Variants in IYD observed in about 807,000 individuals in gnomAD.
The protein encoded by IYD is iodotyrosine deiodinase 1.
Under a neutral mutation model 28.4 loss-of-function variants are expected in IYD, and 25 were observed. That is an observed-to-expected ratio of 0.88 (90% CI 0.64 to 1.23). The LOEUF (loss-of-function observed/expected upper bound fraction) is 1.23, where lower values mean the gene tolerates loss of function less well. Ranked by LOEUF, IYD falls within the 50% of genes most tolerant of loss-of-function variation. The pLI is 0.00. For missense variants in IYD, 352 were observed against 357.9 expected (o/e 0.98, Z 0.13); for synonymous variants, 140 against 130.8 (o/e 1.07, Z -0.48).
chr6:150,394,478 T>G (rs1380780315), intron 4 of IYD, among the ~76,000 whole-genome samples: 1 of 152,214 alleles, frequency 6.6e-6, no homozygotes, highest in East Asian at 1.9e-4. Context: ...AAAATTGGTG[T>G]TGTGTTTGCA....
rs1445457591 is a variant in IYD at position 150,369,205 on chromosome 6, A to T, written c.174A>T (p.Glu58Asp). The T allele has an allele frequency of 1.2e-6, 2 of 1,612,056 alleles. No homozygotes were observed. Among genetic ancestry groups the T allele is most frequent in the Non-Finnish European group, 1.7e-6 (2 of 1,179,914 alleles). The change falls in exon 1 of 5, where the codon GAA becomes GAT. Residue 58 changes from glutamate (E) to aspartate (D), a missense_variant. Transcript: ENST00000344419. ...ACAGCAGTGACCTGCACCAAGCAGAAGAAGGTAAAGACACCAGCTATGCTG... is the reference window on the plus strand; with the variant it reads ...ACAGCAGTGACCTGCACCAAGCAGATGAAGGTAAAGACACCAGCTATGCTG... ...LKDSSDLHQA[E>D]EDADEWQESE...
In IYD at chr6:150,392,992, G is replaced by T. The variant is rs775254987; in HGVS notation, c.530+488G>T. On this transcript the variant is annotated intron_variant, in intron 3 of 4. Transcript: ENST00000344419. ...TCCCTCAACAAATGCAGCCCTCGGG[G>T]TCTGCTCCGGGCGCCGAAGCACAGT... is the stretch of plus-strand genomic sequence containing the variant. Among the ~76,000 whole-genome samples, 10 of 152,220 alleles carry T rather than the reference G, an allele frequency of 6.6e-5. No homozygotes were observed. The East Asian group carries it at 1.2e-3, about 18-fold the overall frequency.
At chr6:150,395,417 G>A (rs1778274604) in intron 4 of IYD, 3 of 1,537,118 alleles carry the variant, frequency 2.0e-6, no homozygotes, top group African/African-American at 2.7e-5. Flanking sequence ...TTATCCTGAA[G>A]GAGCTGGCAT....
At chr6:150,397,596 A>G (rs867200998) in intron 4 of IYD, among the ~76,000 whole-genome samples, 12 of 148,046 alleles carry the variant, frequency 8.1e-5, no homozygotes, top group Admixed American at 4.7e-4. Context: ...ACAAAACCGA[A>G]TATGTATATT....
Position 150,401,079 on chromosome 6 carries a change from TA to T in IYD, c.*2846del, listed in dbSNP as rs1209940955. On this transcript the variant is annotated 3_prime_UTR_variant, in exon 5 of 5. Transcript: ENST00000344419. ...AGAGTGTGAGCGAGAACTAACATGG[TA>T]AAATGTTAGGTGGAGCATATACAGT... The T allele has an allele frequency of 6.6e-6, 1 of 152,212 alleles. No homozygotes were observed. Among genetic ancestry groups the T allele is most frequent in the Non-Finnish European group, 1.5e-5 (1 of 68,036 alleles). The allele number at this position is 152,212 out of a possible 1,614,324, so 9.4% of individuals were successfully genotyped here.
At chr6:150,388,733 A>G (rs1487968982) in intron 1 of IYD, among the ~76,000 whole-genome samples, 1 of 109,228 alleles carries the variant, frequency 9.2e-6, no homozygotes. Flanking sequence ...ATGGAGTCTC[A>G]CTCTGTCACC....
intron 1 of IYD, among the ~76,000 whole-genome samples, chr6:150,382,583 A>G (rs1299211232): frequency 1.0e-5 from 1 of 100,168 alleles, no homozygotes; most frequent in Non-Finnish European, 2.2e-5. Context: ...CAGGACTCCA[A>G]TTAAATGGTT....
At chr6:150,391,233 CAAAA>C (rs3842126) in intron 2 of IYD, among the ~76,000 whole-genome samples, 16 of 114,136 alleles carry the variant, frequency 1.4e-4, no homozygotes, top group East Asian at 7.1e-4. Flanking sequence ...GAGACGCCAT[CAAAA>C]AAAAAAAAAA....
intron 4 of IYD, chr6:150,395,415 A>C: frequency 6.5e-7 from 1 of 1,537,258 alleles, no homozygotes; most frequent in South Asian, 1.2e-5. Flanking sequence ...AATTATCCTG[A>C]AGGAGCTGGC....
At chr6:150,380,870 T>C (rs571748406) in intron 1 of IYD, among the ~76,000 whole-genome samples, 2 of 152,210 alleles carry the variant, frequency 1.3e-5, no homozygotes, top group South Asian at 4.2e-4. Context: ...CCCTTTGGGC[T>C]CCCCTCCCCA....
rs149588759 is a variant in IYD at position 150,393,090 on chromosome 6, C to T, written c.530+586C>T. Reference sequence around the variant, plus strand: ...TCAGGAAAGTGGATTACAAGTGGCTCCTCTGTGTTGATATTTCCATGATTT... The same window carrying T: ...TCAGGAAAGTGGATTACAAGTGGCTTCTCTGTGTTGATATTTCCATGATTT... On this transcript the variant is annotated intron_variant, in intron 3 of 4. Transcript: ENST00000344419. Among the ~76,000 whole-genome samples the T allele has an allele frequency of 1.6e-3, 238 of 152,158 alleles. 1 individual carries two copies. The highest frequency in any genetic ancestry group is 5.5e-3 in the African/African-American group (227 of 41,504).
intron 1 of IYD, among the ~76,000 whole-genome samples, chr6:150,370,303 G>A (rs768924898): frequency 2.0e-5 from 3 of 151,216 alleles, no homozygotes; most frequent in Admixed American, 1.3e-4. Context: ...GAGTGTGTGT[G>A]CATGAGTGTG....
rs780702101 is a variant in IYD, at chr6:150,398,262, G to A, written c.*25G>A. ...GGCAGGGCCCCCCAAGGGAGTGGCA[G>A]GGAGATGGCGCCCCTGCTTTTCCCT... On this transcript the variant is annotated 3_prime_UTR_variant, in exon 5 of 5. Transcript: ENST00000344419. The A allele has an allele frequency of 3.7e-6, 6 of 1,611,088 alleles. No homozygotes were observed. In the African/African-American group the frequency reaches 6.7e-5, roughly 18 times the overall value.
chr6:150,402,033 T>G lies in IYD; in HGVS notation c.*3796T>G, dbSNP rs1778525797. 6.6e-6 allele frequency: 1 copy of G among 152,242 alleles called. No homozygotes were observed. The highest frequency in any genetic ancestry group is 1.5e-5 in the Non-Finnish European group (1 of 68,070). The allele number at this position is 152,242 out of a possible 1,614,324, so 9.4% of individuals were successfully genotyped here. ...TGGTGCCCAAATGCTCCAGTTCTAA[T>G]GTATTCCCAGGTGTTGCTGATGCTG... is the stretch of plus-strand genomic sequence containing the variant. On this transcript the variant is annotated 3_prime_UTR_variant, in exon 5 of 5. Coordinates refer to ENST00000344419, the MANE Select transcript of IYD (RefSeq NM_203395.3).
In IYD at chr6:150,389,552, T is replaced by A; in HGVS notation, c.370+9T>A. ...TGTCATCAGAACGGCAGGTTTGTAA[T>A]TGCAGATGGGGTCTTTGGAAATGTT... On this transcript the variant is annotated intron_variant, in intron 2 of 4. Coordinates refer to ENST00000344419, the MANE Select transcript of IYD (RefSeq NM_203395.3). 1 of 1,611,826 alleles carries A rather than the reference T, an allele frequency of 6.2e-7. No homozygotes were observed. Among genetic ancestry groups the A allele is most frequent in the South Asian group, 1.1e-5 (1 of 90,982 alleles).
chr6:150,390,178 ATTTAAG>A (rs1245858117), intron 2 of IYD, among the ~76,000 whole-genome samples: 2 of 152,164 alleles, frequency 1.3e-5, no homozygotes, highest in Non-Finnish European at 2.9e-5. Flanking sequence ...CATAAACCAT[ATTTAAG>A]TTTATTTGCA....
At chr6:150,390,996 T>C (rs934056271) in intron 2 of IYD, among the ~76,000 whole-genome samples, 1 of 152,068 alleles carries the variant, frequency 6.6e-6, no homozygotes, top group Non-Finnish European at 1.5e-5. Flanking sequence ...CCCAGCACTT[T>C]GGGAGGCCGA....
intron 1 of IYD, among the ~76,000 whole-genome samples, chr6:150,372,325 G>C (rs1239554076): frequency 7.3e-6 from 1 of 137,286 alleles, no homozygotes; most frequent in East Asian, 2.2e-4. Flanking sequence ...GTGTGGGTGG[G>C]GTGGGGGGTG....
intron 2 of IYD, among the ~76,000 whole-genome samples, chr6:150,390,928 A>G (rs1778094008): frequency 6.6e-6 from 1 of 152,150 alleles, no homozygotes; most frequent in Admixed American, 6.5e-5. Flanking sequence ...GTGCGTATTG[A>G]GTACCCATGT....
Sources: gnomAD v4.1 joint callset for allele counts (sites outside exome capture counted in the v4.1 genomes callset) on GRCh38, gnomAD v4.1.1 for gene constraint, MANE v1.5 for transcripts, NCBI Gene and HGNC (gene_info 2026-07-23, HGNC 2026-07-21) for gene names.